RGS5: variants seen among roughly 807,000 people sequenced by gnomAD.
RGS5 encodes the protein regulator of G protein signaling 5.
In RGS5, 20 loss-of-function variants were observed where a neutral mutation model predicts 18.9. The observed-to-expected ratio is 1.06, with a 90% CI of 0.74 to 1.54. The LOEUF is 1.54. Ranked by LOEUF, RGS5 falls within the 40% of genes most tolerant of loss-of-function variation. The pLI, the probability that RGS5 is intolerant of heterozygous loss-of-function variation, is 0.00. For synonymous variants in RGS5, 57 were observed against 76.2 expected, an observed-to-expected ratio of 0.75 and a Z score of 1.31; for missense variants, 201 against 211.8, an observed-to-expected ratio of 0.95 and a Z score of 0.32.
At chr1:163,171,058 A>G (rs1658276862) in intron 1 of RGS5, among the ~76,000 whole-genome samples, 1 of 152,186 alleles carries the variant, frequency 6.6e-6, no homozygotes, top group Non-Finnish European at 1.5e-5. Context: ...AGTTCTAACT[A>G]CACAATCATT....
Position 163,184,091 on chromosome 1 carries a change from G to A in RGS5, c.45-15723C>T, listed in dbSNP as rs185431379. On this transcript the variant is annotated intron_variant, in intron 1 of 4. Transcript: ENST00000313961. ...AATAGAAACTCCCTTAAATTGTGTG[G>A]TTACTGGAATAGGAGTCTCTAAGTC... 2.9e-3 allele frequency among the ~76,000 whole-genome samples: 447 copies of A among 152,228 alleles called. 3 individuals are homozygous for A. The highest frequency in any genetic ancestry group is 3.2e-3 in the Non-Finnish European group (217 of 68,022).
chr1:163,182,314 G>C (rs531376694), intron 1 of RGS5, among the ~76,000 whole-genome samples: 37 of 152,282 alleles, frequency 2.4e-4, no homozygotes, highest in Non-Finnish European at 5.9e-5. Flanking sequence ...CTCCTATGGA[G>C]TGACAAAGAA....
At chr1:163,292,870 G>T (rs80016673) in intron 2 of RGS5, among the ~76,000 whole-genome samples, 22,327 of 149,662 alleles carry the variant, frequency 0.15, 1,952 homozygotes, top group Non-Finnish European at 0.19. Flanking sequence ...GGGGTTTTTT[G>T]GTTTTCTGGT....
intron 2 of RGS5, among the ~76,000 whole-genome samples, chr1:163,165,998 G>C (rs1167848851): frequency 6.6e-6 from 1 of 152,148 alleles, no homozygotes. Context: ...CAACAGTTCG[G>C]GTGAGGTAGT....
At chr1:163,298,840 T>C (rs1310232625) in intron 2 of RGS5, among the ~76,000 whole-genome samples, 1 of 152,150 alleles carries the variant, frequency 6.6e-6, no homozygotes, top group Non-Finnish European at 1.5e-5. Context: ...ATAATTAGCA[T>C]ACCAAAATGC....
chr1:163,147,725 C>T (rs923146942), intron 4 of RGS5, among the ~76,000 whole-genome samples: 4 of 152,018 alleles, frequency 2.6e-5, no homozygotes, highest in African/African-American at 9.7e-5. Context: ...TGTCAGACCT[C>T]CCATAGAAGC....
At chr1:163,240,663 C>T (rs1489186582) in intron 2 of RGS5, among the ~76,000 whole-genome samples, 1 of 152,178 alleles carries the variant, frequency 6.6e-6, no homozygotes, top group South Asian at 2.1e-4. Context: ...ACCACAGGTG[C>T]ATGCCACAGC....
intron 2 of RGS5, among the ~76,000 whole-genome samples, chr1:163,235,290 C>G (rs1381371618): frequency 6.6e-6 from 1 of 152,196 alleles, no homozygotes; most frequent in African/African-American, 2.4e-5. Context: ...TCTGATACCA[C>G]TCCGCTTAAG....
intron 1 of RGS5, among the ~76,000 whole-genome samples, chr1:163,190,962 T>A (rs2101647055): frequency 6.6e-6 from 1 of 151,818 alleles, no homozygotes; most frequent in South Asian, 2.1e-4. Flanking sequence ...GAAGTCCCTT[T>A]CAGGTTTGAA....
chr1:163,212,536 C>T (rs1660130523), intron 1 of RGS5: 1 of 152,208 alleles, frequency 6.6e-6, no homozygotes, highest in Admixed American at 6.5e-5. Context: ...AGATAACCAA[C>T]CTCTTTTGGC....
rs140587998 is a variant in RGS5, at chr1:163,146,729, T to A, written c.*613A>T. 8 of 152,272 alleles carry A rather than the reference T, an allele frequency of 5.3e-5. No individual in the cohort carries two copies. Among genetic ancestry groups the A allele is most frequent in the African/African-American group, 1.9e-4 (8 of 41,566 alleles). 9.4% of individuals were successfully genotyped at this position (152,272 alleles called of 1,614,324 possible). ...TGTTCAGATTGATTTTGTATAAACA[T>A]AATATATTCATGGTTGTATCTCTTA... On this transcript the variant is annotated 3_prime_UTR_variant, in exon 5 of 5. Transcript: ENST00000313961.
At chr1:163,279,175 T>C (rs1648930563) in intron 2 of RGS5, among the ~76,000 whole-genome samples, 1 of 152,208 alleles carries the variant, frequency 6.6e-6, no homozygotes, top group African/African-American at 2.4e-5. Flanking sequence ...CAAATAAATT[T>C]AGTAGACATT....
chr1:163,225,376 G>A (rs781084390), intron 2 of RGS5, among the ~76,000 whole-genome samples: 4 of 152,094 alleles, frequency 2.6e-5, no homozygotes, highest in Non-Finnish European at 5.9e-5. Context: ...ATCTATGGGG[G>A]CTCAAAGTTT....
intron 1 of RGS5, among the ~76,000 whole-genome samples, chr1:163,184,546 C>T (rs1212974409): frequency 6.6e-6 from 1 of 152,132 alleles, no homozygotes; most frequent in Non-Finnish European, 1.5e-5. Flanking sequence ...CCAAATCGCC[C>T]TCCATGGTGG....
At chr1:163,220,720 T>C (rs1387416534), upstream of RGS5, among the ~76,000 whole-genome samples, 1 of 152,092 alleles carries the variant, frequency 6.6e-6, no homozygotes, top group Non-Finnish European at 1.5e-5. Flanking sequence ...CAAAGGTGAT[T>C]AAGTTAAGAA....
upstream of RGS5, among the ~76,000 whole-genome samples, chr1:163,204,913 C>T (rs973928351): frequency 3.3e-5 from 5 of 151,966 alleles, no homozygotes; most frequent in South Asian, 6.2e-4. Context: ...GATGTCTTGG[C>T]GAGGGCTAAA....
upstream of RGS5, among the ~76,000 whole-genome samples, chr1:163,221,639 C>G (rs1647231120): frequency 6.6e-6 from 1 of 152,266 alleles, no homozygotes; most frequent in East Asian, 1.9e-4. Context: ...ATGTTTGTTG[C>G]AAATTAGTAT....
chr1:163,273,812 C>A (rs1648782696), intron 2 of RGS5, among the ~76,000 whole-genome samples: 1 of 151,956 alleles, frequency 6.6e-6, no homozygotes, highest in Admixed American at 6.6e-5. Flanking sequence ...TCTTTATTTT[C>A]TCCTCTGAGA....
chr1:163,254,845 C>T (rs370401008), intron 2 of RGS5, among the ~76,000 whole-genome samples: 1 of 151,360 alleles, frequency 6.6e-6, no homozygotes, highest in Admixed American at 6.6e-5. Flanking sequence ...GGAAGGGATC[C>T]AGTTTCAGCT....
Sources: gnomAD v4.1 joint callset for allele counts (sites outside exome capture counted in the v4.1 genomes callset) on GRCh38, gnomAD v4.1.1 for gene constraint, MANE v1.5 for transcripts, NCBI Gene and HGNC (gene_info 2026-07-23, HGNC 2026-07-21) for gene names.